The following CDH13 variants were observed in gnomAD, a reference collection of about 807,000 sequenced individuals.
CDH13 encodes the protein cadherin-13.
A neutral mutation model predicts 63.8 loss-of-function variants in CDH13; 24 were observed. That is an observed-to-expected ratio of 0.38 (90% confidence interval 0.27 to 0.53). The LOEUF is 0.53. Ranked by LOEUF, CDH13 falls within the 20% of genes least tolerant of loss-of-function variation. The probability of loss-of-function intolerance (pLI) is 0.85; values close to 1 mark genes in which losing one functional copy is unlikely to be tolerated. For synonymous variants in CDH13, 503 were observed against 355.3 expected (o/e 1.42, Z -4.67); for missense variants, 1,049 against 903.1 (o/e 1.16, Z -2.07).
intron 6 of CDH13, among the ~76,000 whole-genome samples, chr16:83,447,359 G>A (rs1222177347): frequency 2.0e-5 from 3 of 151,834 alleles, no homozygotes; most frequent in African/African-American, 7.3e-5. Context: ...ATGTTGCAGC[G>A]AGCTGAGATC....
intron 5 of CDH13, among the ~76,000 whole-genome samples, chr16:83,243,150 G>C (rs1252555520): frequency 6.6e-6 from 1 of 152,150 alleles, no homozygotes; most frequent in African/African-American, 2.4e-5. Flanking sequence ...GAGTGGCCTC[G>C]TACCAGGGCC....
At chr16:83,245,960 C>G (rs1443461717) in intron 5 of CDH13, among the ~76,000 whole-genome samples, 2 of 152,268 alleles carry the variant, frequency 1.3e-5, no homozygotes, top group South Asian at 4.1e-4. Flanking sequence ...TGGTCTTACA[C>G]TTTTGAACTC....
intron 3 of CDH13, among the ~76,000 whole-genome samples, chr16:83,056,423 A>T (rs1034535520): frequency 2.6e-5 from 4 of 152,194 alleles, no homozygotes; most frequent in Non-Finnish European, 5.9e-5. Flanking sequence ...CAAATGGATA[A>T]ATTTTGGCAC....
chr16:83,537,281 T>C (rs2075209849), intron 7 of CDH13, among the ~76,000 whole-genome samples: 1 of 152,218 alleles, frequency 6.6e-6, no homozygotes, highest in African/African-American at 2.4e-5. Context: ...CTGAGCCAAC[T>C]GGGACAATGA....
Position 83,572,386 on chromosome 16 carries a change from C to A in CDH13, c.961-30068C>A, listed in dbSNP as rs542956635. Among the ~76,000 whole-genome samples, 8 of 152,152 alleles carry A rather than the reference C, an allele frequency of 5.3e-5. No individual in the cohort carries two copies. In the East Asian group the frequency reaches 1.5e-3, roughly 29 times the overall value. The stretch of plus-strand genomic sequence containing the variant: ...GAACTCCTGACCTCAGGTGATCTAC[C>A]CATCTCGGCCTCACAAAATGTTGGG... On this transcript the variant is annotated intron_variant, in intron 7 of 13. Coordinates refer to ENST00000567109, the MANE Select transcript of CDH13 (RefSeq NM_001257.5).
intron 1 of CDH13, among the ~76,000 whole-genome samples, chr16:82,809,462 A>G (rs2037331170): frequency 6.6e-6 from 1 of 152,120 alleles, no homozygotes; most frequent in Admixed American, 6.6e-5. Flanking sequence ...TATCATTAAG[A>G]ATTCGCTCAG....
intron 1 of CDH13, among the ~76,000 whole-genome samples, chr16:82,721,284 C>T (rs2032754428): frequency 6.6e-6 from 1 of 152,020 alleles, no homozygotes; most frequent in South Asian, 2.1e-4. Context: ...TTGCAATGTA[C>T]CATGATCTAG....
At chr16:83,398,157 G>T (rs956446385) in intron 6 of CDH13, 6 of 152,200 alleles carry the variant, frequency 3.9e-5, no homozygotes, top group South Asian at 4.1e-4. Context: ...AACTCAGTTA[G>T]GTATATTAAT....
intron 13 of CDH13, 34 bp downstream of exon 13, chr16:83,783,506 A>T (rs765219762): frequency 6.5e-7 from 1 of 1,535,316 alleles, no homozygotes; most frequent in Non-Finnish European, 9.0e-7. Flanking sequence ...ATGCACAAAC[A>T]GGAAATTGTA....
chr16:83,092,113 T>G (rs1217600818), intron 3 of CDH13, among the ~76,000 whole-genome samples: 1 of 152,226 alleles, frequency 6.6e-6, no homozygotes, highest in Non-Finnish European at 1.5e-5. Context: ...TATCACTGCA[T>G]TCATTTCTCA....
chr16:83,493,700 T>A (rs1166794948), intron 7 of CDH13, among the ~76,000 whole-genome samples: 1 of 152,222 alleles, frequency 6.6e-6, no homozygotes, highest in East Asian at 1.9e-4. Context: ...AGGCTTCTAA[T>A]GTCATTCAAA....
At chr16:83,053,154 A>T (rs750039572) in intron 3 of CDH13, among the ~76,000 whole-genome samples, 1 of 152,226 alleles carries the variant, frequency 6.6e-6, no homozygotes, top group Non-Finnish European at 1.5e-5. Flanking sequence ...GTAAGAATTA[A>T]ATAATATCAT....
chr16:83,683,244 TG>T (rs1443018538), intron 10 of CDH13, among the ~76,000 whole-genome samples: 1 of 152,366 alleles, frequency 6.6e-6, no homozygotes, highest in African/African-American at 2.4e-5. Context: ...TGAACAGCAG[TG>T]GTCTAGTGAC....
chr16:83,084,844 C>T (rs570774749), intron 3 of CDH13, among the ~76,000 whole-genome samples: 2 of 152,308 alleles, frequency 1.3e-5, no homozygotes, highest in East Asian at 3.9e-4. Context: ...GCCGAGATCG[C>T]ACCATTGCAC....
At chr16:83,290,335 T>A (rs571336673) in intron 5 of CDH13, among the ~76,000 whole-genome samples, 4 of 152,266 alleles carry the variant, frequency 2.6e-5, no homozygotes, top group African/African-American at 9.6e-5. Flanking sequence ...ATTGTAATAA[T>A]CCCCTCGTGT....
At chr16:83,451,598 G>A (rs55916817) in intron 6 of CDH13, among the ~76,000 whole-genome samples, 28,625 of 152,102 alleles carry the variant, frequency 0.19, 3,110 homozygotes, top group Non-Finnish European at 0.24. Context: ...ACTCACTGCA[G>A]CCTCAACTTC....
intron 12 of CDH13, among the ~76,000 whole-genome samples, chr16:83,783,003 C>G (rs1915634818): frequency 6.6e-6 from 1 of 152,174 alleles, no homozygotes. Flanking sequence ...GATGGAAACA[C>G]TCTGTCTCTG....
At chr16:83,556,774 C>T (rs1373212606) in intron 7 of CDH13, among the ~76,000 whole-genome samples, 2 of 152,208 alleles carry the variant, frequency 1.3e-5, no homozygotes, top group Non-Finnish European at 2.9e-5. Context: ...TTTCATGGGG[C>T]ACCCCACACT....
intron 7 of CDH13, among the ~76,000 whole-genome samples, chr16:83,499,036 A>ACATCT (rs2074212011): frequency 6.6e-6 from 1 of 152,174 alleles, no homozygotes; most frequent in African/African-American, 2.4e-5. Flanking sequence ...GTGTTTTTTG[A>ACATCT]TGCAGAAGTT....
Sources: gnomAD v4.1 joint callset for allele counts (sites outside exome capture counted in the v4.1 genomes callset) on GRCh38, gnomAD v4.1.1 for gene constraint, MANE v1.5 for transcripts, NCBI Gene and HGNC (gene_info 2026-07-23, HGNC 2026-07-21) for gene names.